The following ATP9B variants were observed in gnomAD, a reference collection of about 807,000 sequenced individuals.
ATP9B encodes the protein probable phospholipid-transporting ATPase IIB.
In ATP9B, 110 loss-of-function variants were observed where a neutral mutation model predicts 146.1. The ratio of observed to expected loss-of-function variants is 0.75; its 90% CI spans 0.65 to 0.88. ATP9B has a LOEUF of 0.88. Ranked by LOEUF, ATP9B falls within the 40% of genes least tolerant of loss-of-function variation. ATP9B has a pLI of 0.00. For synonymous variants in ATP9B, 604 were observed against 569.7 expected, an observed-to-expected ratio of 1.06 and a Z score of -0.86; for missense variants, 1,499 against 1,496.4, an observed-to-expected ratio of 1.00 and a Z score of -0.03.
chr18:79,194,985 A>G (rs2095405392), intron 9 of ATP9B, among the ~76,000 whole-genome samples: 1 of 152,116 alleles, frequency 6.6e-6, no homozygotes, highest in Non-Finnish European at 1.5e-5. Context: ...CGTTGGGGGA[A>G]TGTATAGGGG....
At chr18:79,191,860 G>C (rs2095369863) in intron 8 of ATP9B, among the ~76,000 whole-genome samples, 1 of 152,116 alleles carries the variant, frequency 6.6e-6, no homozygotes, top group Non-Finnish European at 1.5e-5. Flanking sequence ...CATATGTTTA[G>C]AAATTTGGAT....
chr18:79,184,261 G>C (rs2095282308), intron 8 of ATP9B, among the ~76,000 whole-genome samples: 1 of 152,164 alleles, frequency 6.6e-6, no homozygotes, highest in Non-Finnish European at 1.5e-5. Context: ...TATAGTTCCA[G>C]CTGATGCACA....
At chr18:79,148,949 G>A (rs1204647021) in intron 6 of ATP9B, among the ~76,000 whole-genome samples, 1 of 152,168 alleles carries the variant, frequency 6.6e-6, no homozygotes, top group Non-Finnish European at 1.5e-5. Context: ...AATTAAAAAT[G>A]CAGTACTCTT....
intron 2 of ATP9B, among the ~76,000 whole-genome samples, chr18:79,106,965 A>C (rs953596929): frequency 6.6e-6 from 1 of 152,120 alleles, no homozygotes; most frequent in Non-Finnish European, 1.5e-5. Flanking sequence ...TAAAGCTTAT[A>C]TTTTCTAAAT....
intron 14 of ATP9B, among the ~76,000 whole-genome samples, chr18:79,304,629 G>C (rs1446265071): frequency 6.6e-6 from 1 of 152,228 alleles, no homozygotes; most frequent in African/African-American, 2.4e-5. Context: ...GCAGTGGGTT[G>C]TGTATAGAGT....
chr18:79,086,713 GTTATTTC>G (rs927798697), intron 1 of ATP9B, among the ~76,000 whole-genome samples: 14 of 152,152 alleles, frequency 9.2e-5, no homozygotes, highest in Middle Eastern at 3.4e-3. Flanking sequence ...GTATAGCAGT[GTTATTTC>G]TTATTTCAAG....
At chr18:79,207,447 C>A (rs1279827954) in intron 10 of ATP9B, among the ~76,000 whole-genome samples, 2 of 152,082 alleles carry the variant, frequency 1.3e-5, no homozygotes, top group Non-Finnish European at 2.9e-5. Context: ...TTAGAAGAGG[C>A]CAGGCGTGCT....
At chr18:79,130,632 G>A (rs1405337445) in intron 5 of ATP9B, among the ~76,000 whole-genome samples, 3 of 151,948 alleles carry the variant, frequency 2.0e-5, no homozygotes, top group Admixed American at 6.6e-5. Context: ...GATAATACGA[G>A]AAAAATCCAT....
At chr18:79,360,848 C>G (rs2096983963) in intron 26 of ATP9B, 1 of 152,166 alleles carries the variant, frequency 6.6e-6, no homozygotes, top group Non-Finnish European at 1.5e-5. Flanking sequence ...TAACTAGAAG[C>G]AAGACCGCTT....
At position 79,347,727 on chromosome 18, in the gene ATP9B, G is replaced by A. The variant is rs1164750119; in HGVS notation, c.2683-43G>A. 2.0e-6 allele frequency: 3 copies of A among 1,493,324 alleles called. No homozygotes were observed. The Admixed American group carries it at 7.0e-5, about 35-fold the overall frequency. 92.5% of individuals were successfully genotyped at this position (1,493,324 alleles called of 1,614,324 possible). A position where few individuals can be genotyped will look rare whatever the true frequency, so the allele number is the denominator to read the frequency against. ...ACTCACTTTTGGAGTCTGATTTCCA[G>A]CGTCCGCCATGTTTGAAAAGGCCCC... On this transcript the variant is annotated intron_variant, in intron 23 of 29. Coordinates refer to ENST00000426216, the MANE Select transcript of ATP9B (RefSeq NM_198531.5).
chr18:79,263,225 C>T (rs569195227), intron 12 of ATP9B, among the ~76,000 whole-genome samples: 5 of 152,306 alleles, frequency 3.3e-5, no homozygotes, highest in Admixed American at 2.0e-4. Flanking sequence ...TATATGCAGT[C>T]ATCTCTTGGT....
At chr18:79,372,986 T>C in intron 27 of ATP9B, 104 bp downstream of exon 27, 2 of 770,456 alleles carry the variant, frequency 2.6e-6, no homozygotes, top group South Asian at 3.4e-5. Flanking sequence ...CAGCTTAAAA[T>C]GCCATCAGCA....
intron 12 of ATP9B, among the ~76,000 whole-genome samples, chr18:79,263,387 A>G (rs1015874803): frequency 6.6e-6 from 1 of 152,190 alleles, no homozygotes; most frequent in Non-Finnish European, 1.5e-5. Context: ...GTTTTGATGC[A>G]TGTTTGGTTG....
chr18:79,135,500 C>G (rs1301560782), intron 5 of ATP9B, among the ~76,000 whole-genome samples: 3 of 152,190 alleles, frequency 2.0e-5, no homozygotes, highest in Non-Finnish European at 4.4e-5. Flanking sequence ...AGTTTTGGCT[C>G]CTGTAGCCTT....
chr18:79,143,516 T>A lies in ATP9B; in HGVS notation c.668-286T>A, dbSNP rs539070228. ...TTTCTGATCATTGTTGACTTGGAAC[T>A]GAAACAATTACAAAACATGGGAATA... On this transcript the variant is annotated intron_variant, in intron 5 of 29. Coordinates refer to ENST00000426216, the MANE Select transcript of ATP9B (RefSeq NM_198531.5). 9.8e-5 allele frequency among the ~76,000 whole-genome samples: 15 copies of A among 152,354 alleles called. No individual in the cohort carries two copies. The South Asian group carries it at 1.9e-3, about 19-fold the overall frequency.
At chr18:79,373,807 G>A (rs2097087455) in intron 27 of ATP9B, 91 bp from the exon 28 acceptor site, 5 of 1,365,910 alleles carry the variant, frequency 3.7e-6, no homozygotes, top group Non-Finnish European at 5.2e-6. Context: ...ATTTTTAAGG[G>A]TCTTGAGTGA....
intron 17 of ATP9B, among the ~76,000 whole-genome samples, chr18:79,333,690 T>C (rs1417079809): frequency 1.3e-5 from 2 of 152,074 alleles, no homozygotes; most frequent in Non-Finnish European, 2.9e-5. Flanking sequence ...AAATAGCCTC[T>C]AAAAGACCTC....
chr18:79,088,902 T>C (rs1202381921), intron 1 of ATP9B, among the ~76,000 whole-genome samples: 1 of 152,194 alleles, frequency 6.6e-6, no homozygotes, highest in East Asian at 1.9e-4. Context: ...AATAAAAAGC[T>C]TTCAATGCAT....
At chr18:79,142,456 G>T (rs9947475) in intron 5 of ATP9B, among the ~76,000 whole-genome samples, 2 of 151,984 alleles carry the variant, frequency 1.3e-5, no homozygotes, top group African/African-American at 2.4e-5. Flanking sequence ...AAGGAAAGAA[G>T]GGTGAATTGG....
Sources: gnomAD v4.1 joint callset for allele counts (sites outside exome capture counted in the v4.1 genomes callset) on GRCh38, gnomAD v4.1.1 for gene constraint, MANE v1.5 for transcripts, NCBI Gene and HGNC (gene_info 2026-07-23, HGNC 2026-07-21) for gene names.